Variants in DCDC1 observed in about 807,000 individuals in gnomAD.
DCDC1 encodes doublecortin domain-containing protein 1.
In DCDC1, 200 loss-of-function variants were observed where a neutral mutation model predicts 178.3. The observed-to-expected ratio is 1.12, with a 90% CI of 1.00 to 1.26. DCDC1 has a LOEUF of 1.26. DCDC1 is among the 50% of genes most tolerant of loss of function. The probability of loss-of-function intolerance (pLI) is 0.00; values close to 1 mark genes in which losing one functional copy is unlikely to be tolerated. For missense variants in DCDC1, 1,983 were observed against 1,749.2 expected (o/e 1.13, Z -2.38); for synonymous variants, 690 against 604.8 (o/e 1.14, Z -2.07).
In DCDC1 at chr11:30,925,358, T is replaced by G; in HGVS notation, c.2948A>C (p.Glu983Ala). The change falls in exon 23 of 39, where the codon GAA becomes GCA. Residue 983 changes from glutamate to alanine, a missense_variant. Physicochemically the swap from Glu to Ala is moderately radical, Grantham distance 107 (BLOSUM62 -1). Coordinates refer to ENST00000684477, the MANE Select transcript of DCDC1 (RefSeq NM_001387274.1). ...TAAGGCAAATATTTCCTTCCCCTTTTCATTGTACAATCTCCGAGCTGCAGA... is the reference window on the plus strand; with the variant it reads ...TAAGGCAAATATTTCCTTCCCCTTTGCATTGTACAATCTCCGAGCTGCAGA... Reference protein sequence around the residue: ...LPSAARRLYNEKGKEIFALKD... With the variant: ...LPSAARRLYNAKGKEIFALKD... 6.2e-7 allele frequency: 1 copy of G among 1,613,850 alleles called. No individual in the cohort carries two copies. The highest frequency in any genetic ancestry group is 8.5e-7 in the Non-Finnish European group (1 of 1,179,808).
intron 34 of DCDC1, among the ~76,000 whole-genome samples, chr11:30,897,876 T>C (rs1454374067): frequency 6.6e-6 from 1 of 152,038 alleles, no homozygotes; most frequent in Admixed American, 6.6e-5. Context: ...ATGATGACTA[T>C]TGGAGGGGAA....
chr11:31,215,431 C>T (rs191619248), intron 9 of DCDC1, among the ~76,000 whole-genome samples: 280 of 152,144 alleles, frequency 1.8e-3, no homozygotes, highest in Middle Eastern at 0.017. Flanking sequence ...ACAAAATCTC[C>T]AGTTAACCAA....
rs142507014 is a variant in DCDC1, at chr11:31,228,864, T to C, written c.1221+12586A>G. Among the ~76,000 whole-genome samples, 835 of 152,100 alleles carry C rather than the reference T, an allele frequency of 5.5e-3. 3 individuals are homozygous for C. Among genetic ancestry groups the C allele is most frequent in the Admixed American group, 8.6e-3 (132 of 15,262 alleles). On this transcript the variant is annotated intron_variant, in intron 9 of 38. Coordinates refer to ENST00000684477, the MANE Select transcript of DCDC1 (RefSeq NM_001387274.1). ...TAATTATGTAACATAAATAGCTACA[T>C]GTTGAACATAAAGATAGGAACATGG...
At chr11:31,227,013 G>C (rs1485216457) in intron 9 of DCDC1, among the ~76,000 whole-genome samples, 1 of 152,014 alleles carries the variant, frequency 6.6e-6, no homozygotes, top group African/African-American at 2.4e-5. Context: ...TAATGAATAA[G>C]TATTATTCAA....
At chr11:31,209,973 C>G (rs1400942127) in intron 9 of DCDC1, among the ~76,000 whole-genome samples, 1 of 152,168 alleles carries the variant, frequency 6.6e-6, no homozygotes, top group Non-Finnish European at 1.5e-5. Context: ...CTTGCAACAA[C>G]TAGAGTCATT....
At chr11:31,281,075 T>C (rs1358236405) in intron 7 of DCDC1, 2 of 447,538 alleles carry the variant, frequency 4.5e-6, no homozygotes, top group Non-Finnish European at 4.3e-6. Flanking sequence ...TAATTGTCAC[T>C]AGCATATAGA....
rs374780383 is a variant in DCDC1 at position 31,043,142 on chromosome 11, T to C, written c.2591+21327A>G. 2.7e-4 allele frequency among the ~76,000 whole-genome samples: 41 copies of C among 152,298 alleles called. No homozygotes were observed. In the East Asian group the frequency reaches 6.8e-3, roughly 25 times the overall value. On this transcript the variant is annotated intron_variant, in intron 20 of 38. Transcript: ENST00000684477. Reference sequence around the variant, plus strand: ...GAAACCGTAGCACAATGGCAAGTATTTGTGTATCTAAACATAGTTAAGGTA... The same window carrying C: ...GAAACCGTAGCACAATGGCAAGTATCTGTGTATCTAAACATAGTTAAGGTA...
intron 17 of DCDC1, among the ~76,000 whole-genome samples, chr11:31,078,275 A>G (rs1338668039): frequency 6.6e-6 from 1 of 152,186 alleles, no homozygotes; most frequent in Admixed American, 6.5e-5. Flanking sequence ...AGACTTAATT[A>G]AGTATAAAGA....
At chr11:31,215,187 C>A in intron 9 of DCDC1, 1 of 253,650 alleles carries the variant, frequency 3.9e-6, no homozygotes, top group South Asian at 4.4e-5. Flanking sequence ...CTCAGCAACT[C>A]GGAAGGCTGA....
intron 9 of DCDC1, among the ~76,000 whole-genome samples, chr11:31,224,898 C>T (rs1398316184): frequency 6.6e-6 from 1 of 152,054 alleles, no homozygotes; most frequent in East Asian, 1.9e-4. Context: ...AGATGTACCA[C>T]TCTGCTGGTG....
At chr11:30,968,465 A>G (rs1249829533) in intron 20 of DCDC1, among the ~76,000 whole-genome samples, 1 of 151,954 alleles carries the variant, frequency 6.6e-6, no homozygotes, top group Non-Finnish European at 1.5e-5. Context: ...AAAGAGAGAG[A>G]AAAAGAGAGG....
intron 9 of DCDC1, among the ~76,000 whole-genome samples, chr11:31,212,124 T>C (rs1972617959): frequency 6.6e-6 from 1 of 151,444 alleles, no homozygotes; most frequent in Admixed American, 6.6e-5. Flanking sequence ...AAGTAATACC[T>C]TTTAAAGTTT....
chr11:31,135,098 T>G (rs1962962252), intron 10 of DCDC1, among the ~76,000 whole-genome samples: 1 of 152,190 alleles, frequency 6.6e-6, no homozygotes, highest in African/African-American at 2.4e-5. Context: ...CCAAATTTCA[T>G]GTGGAAAATT....
At chr11:30,955,787 C>G (rs971471697) in intron 20 of DCDC1, among the ~76,000 whole-genome samples, 1 of 152,174 alleles carries the variant, frequency 6.6e-6, no homozygotes, top group Non-Finnish European at 1.5e-5. Context: ...TAGCCACTGT[C>G]TTGTGCTTGC....
intron 27 of DCDC1, among the ~76,000 whole-genome samples, chr11:30,912,528 C>A (rs563202571): frequency 6.6e-6 from 1 of 152,154 alleles, no homozygotes; most frequent in Non-Finnish European, 1.5e-5. Flanking sequence ...GGTGATCCTC[C>A]CACCTCAGCC....
At chr11:31,047,660 T>G (rs1297138198) in intron 20 of DCDC1, among the ~76,000 whole-genome samples, 2 of 152,216 alleles carry the variant, frequency 1.3e-5, no homozygotes, top group Admixed American at 6.5e-5. Context: ...ATAATGTGAC[T>G]ATAGTTTGTC....
chr11:30,882,004 TA>T (rs1312323471), intron 36 of DCDC1: 1 of 153,642 alleles, frequency 6.5e-6, no homozygotes, highest in Non-Finnish European at 1.5e-5. Flanking sequence ...GACAAAATAA[TA>T]AAAGCAAGCA....
At chr11:31,212,570 A>G (rs1040988388) in intron 9 of DCDC1, among the ~76,000 whole-genome samples, 1 of 152,192 alleles carries the variant, frequency 6.6e-6, no homozygotes, top group Non-Finnish European at 1.5e-5. Flanking sequence ...ACCTACAGAA[A>G]TATATGTAAC....
chr11:31,181,936 G>T (rs1968854507), intron 9 of DCDC1, among the ~76,000 whole-genome samples: 2 of 152,134 alleles, frequency 1.3e-5, no homozygotes, highest in African/African-American at 4.8e-5. Flanking sequence ...TGGGAACTTT[G>T]TGAAGCATAT....
Sources: allele counts gnomAD v4.1 joint callset (sites outside exome capture counted in the v4.1 genomes callset), GRCh38; gene constraint gnomAD v4.1.1; transcripts MANE v1.5; gene names NCBI Gene and HGNC (gene_info 2026-07-23, HGNC 2026-07-21).